The following SPTB variants were observed in gnomAD, a reference collection of about 807,000 sequenced individuals.
The protein encoded by SPTB is spectrin beta chain, erythrocytic.
In SPTB, 45 loss-of-function variants were observed where a neutral mutation model predicts 256.2. The ratio of observed to expected loss-of-function variants is 0.18; its 90% CI spans 0.14 to 0.23. The LOEUF (loss-of-function observed/expected upper bound fraction) is 0.23. Ranked by LOEUF, SPTB falls within the 10% of genes least tolerant of loss-of-function variation. SPTB has a pLI of 1.00. For missense variants in SPTB, 2,715 were observed against 3,040.4 expected (o/e 0.89, Z 2.52); for synonymous variants, 1,231 against 1,243.1 (o/e 0.99, Z 0.21).
At chr14:64,810,904 C>A (rs902496353) in intron 2 of SPTB, among the ~76,000 whole-genome samples, 1 of 152,066 alleles carries the variant, frequency 6.6e-6, no homozygotes, top group Admixed American at 6.6e-5. Context: ...TCACTTGAGG[C>A]CAGGAGTTTG....
intron 20 of SPTB, among the ~76,000 whole-genome samples, chr14:64,780,781 A>G (rs974590442): frequency 1.3e-5 from 2 of 152,240 alleles, no homozygotes; most frequent in African/African-American, 4.8e-5. Context: ...ATCCTAAGCA[A>G]AAAGAACAAA....
intron 32 of SPTB, chr14:64,756,276 A>C (rs1336298025): frequency 1.3e-5 from 2 of 152,198 alleles, no homozygotes; most frequent in African/African-American, 4.8e-5. Context: ...AGTCTACTTC[A>C]ATAAACTCCC....
In SPTB at chr14:64,845,363, CA is replaced by C. The variant is rs1335231712; in HGVS notation, c.-51-22219del. Among the ~76,000 whole-genome samples, 27 of 152,328 alleles carry C rather than the reference CA, an allele frequency of 1.8e-4. No individual in the cohort carries two copies. Among genetic ancestry groups the C allele is most frequent in the African/African-American group, 6.3e-4 (26 of 41,568 alleles). On this transcript the variant is annotated intron_variant, in intron 1 of 35. Transcript: ENST00000644917. The surrounding 1 kb of genome is among the most constrained non-coding windows in gnomAD (Gnocchi z 4.8). ...AGATGTAAAGCTCATGAATACAGAA[CA>C]GATACTGGCTGTGTGGCACAAGTGG...
chr14:64,823,449 C>T lies in SPTB; in HGVS notation c.-51-304G>A, dbSNP rs1385822707. On this transcript the variant is annotated intron_variant, in intron 1 of 35. Transcript: ENST00000644917. The surrounding 1 kb of genome is among the most constrained non-coding windows in gnomAD (Gnocchi z 6.5). ...GCTGCTTCCTCCAGACCAGCCGCCC[C>T]GCCGCGGGGAGCACCCCGGGAGAGA... is the stretch of plus-strand genomic sequence containing the variant. 1.3e-5 allele frequency among the ~76,000 whole-genome samples: 2 copies of T among 152,204 alleles called. No homozygotes were observed. The highest frequency in any genetic ancestry group is 2.4e-5 in the African/African-American group (1 of 41,458).
intron 33 of SPTB, among the ~76,000 whole-genome samples, chr14:64,751,039 G>A (rs1211099731): frequency 7.1e-6 from 1 of 141,180 alleles, no homozygotes; most frequent in African/African-American, 2.6e-5. Context: ...TATATATGTA[G>A]CAATTATATA....
At chr14:64,851,483 G>A (rs972085091) in intron 1 of SPTB, among the ~76,000 whole-genome samples, 3 of 152,170 alleles carry the variant, frequency 2.0e-5, no homozygotes, top group African/African-American at 4.8e-5. Flanking sequence ...AGTAGTAGCA[G>A]TAGCAGCAGC....
At chr14:64,879,401 G>A (rs905236465) in intron 1 of SPTB, among the ~76,000 whole-genome samples, 5 of 152,230 alleles carry the variant, frequency 3.3e-5, no homozygotes, top group African/African-American at 1.2e-4. Flanking sequence ...CAGCGCTGCG[G>A]TCGGACGGGC....
Position 64,785,458 on chromosome 14 carries a change from G to C in SPTB, c.3855+79C>G. 2.3e-6 allele frequency: 3 copies of C among 1,318,698 alleles called. No homozygotes were observed. In the Admixed American group the frequency reaches 5.9e-5, roughly 26 times the overall value. 81.7% of individuals were successfully genotyped at this position (1,318,698 alleles called of 1,614,324 possible). A position where few individuals can be genotyped will look rare whatever the true frequency, so the allele number is the denominator to read the frequency against. On this transcript the variant is annotated intron_variant, in intron 18 of 35. Coordinates refer to ENST00000644917, the MANE Select transcript of SPTB (RefSeq NM_001355436.2). The surrounding 1 kb of genome is among the most constrained non-coding windows in gnomAD (Gnocchi z 4.4). Reference sequence around the variant, plus strand: ...AGCTCTTGAGCTAGAAAGGATCCCTGTGGACTTCCTGCCTTGAGGGAACTC... The same window carrying C: ...AGCTCTTGAGCTAGAAAGGATCCCTCTGGACTTCCTGCCTTGAGGGAACTC...
At chr14:64,805,969 A>G (rs1359952337) in intron 2 of SPTB, among the ~76,000 whole-genome samples, 1 of 152,156 alleles carries the variant, frequency 6.6e-6, no homozygotes, top group Non-Finnish European at 1.5e-5. Flanking sequence ...AATCAGCATC[A>G]GCCCAGTCCA....
chr14:64,785,159 C>T lies in SPTB; in HGVS notation c.3855+378G>A, dbSNP rs1195864033. ...AGTTGTTCAAAAGCATGAAGAATTT[C>T]AAGATGGCAAGAGTAGAGCATTAAC... is the stretch of plus-strand genomic sequence containing the variant. On this transcript the variant is annotated intron_variant, in intron 18 of 35. Coordinates refer to ENST00000644917, the MANE Select transcript of SPTB (RefSeq NM_001355436.2). The surrounding 1 kb of genome is among the most constrained non-coding windows in gnomAD (Gnocchi z 4.4). 1.3e-5 allele frequency among the ~76,000 whole-genome samples: 2 copies of T among 152,104 alleles called. No individual in the cohort carries two copies. The highest frequency in any genetic ancestry group is 4.8e-5 in the African/African-American group (2 of 41,426).
chr14:64,749,665 C>A lies in SPTB; in HGVS notation c.6808G>T (p.Gly2270Cys). The A allele has an allele frequency of 6.2e-7, 1 of 1,613,834 alleles. No homozygotes were observed. Among genetic ancestry groups the A allele is most frequent in the Non-Finnish European group, 8.5e-7 (1 of 1,179,958 alleles). ...CTGCCCGCGCTTACCTCATCCTTGC[C>A]ATGGAAGAGCCACTCGCTGCCATTA... ...LSNGSEWLFHGKDEEEMLSWL... is the reference protein window; with the variant it reads ...LSNGSEWLFHCKDEEEMLSWL... Residue 2270 changes from glycine (G) to cysteine (C), a missense_variant, in exon 35 of 36, where the codon GGC becomes TGC. Coordinates refer to ENST00000644917, the MANE Select transcript of SPTB (RefSeq NM_001355436.2). This position sits in a 1 kb window ranked among gnomAD's most constrained non-coding sequence, Gnocchi z 4.7.
At position 64,816,067 on chromosome 14, in the gene SPTB, G is replaced by A. The variant is rs2083185781; in HGVS notation, c.148+6880C>T. On this transcript the variant is annotated intron_variant, in intron 2 of 35. Transcript: ENST00000644917. The surrounding 1 kb of genome is among the most constrained non-coding windows in gnomAD (Gnocchi z 4.2). ...ACAACCTGTTCTCCCTACAGAGGGT[G>A]ATCCTTAGTAGTCAGAGCGAGCCCT... 6.6e-6 allele frequency among the ~76,000 whole-genome samples: 1 copy of A among 152,190 alleles called. No individual in the cohort carries two copies. Among genetic ancestry groups the A allele is most frequent in the Non-Finnish European group, 1.5e-5 (1 of 68,040 alleles).
chr14:64,791,629 C>A, intron 15 of SPTB, 90 bp downstream of exon 15: 90 of 845,556 alleles, frequency 1.1e-4, no homozygotes, highest in Non-Finnish European at 1.3e-4. Flanking sequence ...TTGGTGCATA[C>A]TAGGTGGACT....
intron 1 of SPTB, among the ~76,000 whole-genome samples, chr14:64,850,581 G>A (rs561983150): frequency 7.2e-5 from 11 of 152,274 alleles, no homozygotes; most frequent in Admixed American, 1.3e-4. Flanking sequence ...GCTAAGGCAC[G>A]AGTCCCCTGC....
intron 19 of SPTB, among the ~76,000 whole-genome samples, chr14:64,783,149 TG>T (rs2082501405): frequency 6.6e-6 from 1 of 152,198 alleles, no homozygotes; most frequent in South Asian, 2.1e-4. Context: ...GTATCATTTT[TG>T]GGTGGGCACA....
intron 25 of SPTB, 73 bp downstream of exon 25, chr14:64,773,147 T>C (rs1468864319): frequency 6.9e-6 from 11 of 1,592,604 alleles, no homozygotes; most frequent in Non-Finnish European, 9.4e-6. Flanking sequence ...GCACTCTGTG[T>C]GTCTTGAGTG....
At position 64,764,901 on chromosome 14, in the gene SPTB, G is replaced by A. The variant is rs988461981; in HGVS notation, c.6345+1825C>T. The stretch of plus-strand genomic sequence containing the variant: ...CCCACATGCGATGACGGGAGCTTCG[G>A]AGGGAACTTCTGGGAGAGACCCTTC... On this transcript the variant is annotated intron_variant, in intron 32 of 35. Coordinates refer to ENST00000644917, the MANE Select transcript of SPTB (RefSeq NM_001355436.2). The surrounding 1 kb of genome is among the most constrained non-coding windows in gnomAD (Gnocchi z 4.2). Among the ~76,000 whole-genome samples the A allele has an allele frequency of 7.9e-5, 12 of 152,152 alleles. No individual in the cohort carries two copies. The highest frequency in any genetic ancestry group is 2.9e-4 in the African/African-American group (12 of 41,422).
At chr14:64,750,546 C>T (rs1019480196) in intron 33 of SPTB, among the ~76,000 whole-genome samples, 4 of 151,888 alleles carry the variant, frequency 2.6e-5, no homozygotes, top group South Asian at 2.1e-4. Flanking sequence ...GAGGCCGAGG[C>T]GGGCGGACCG....
In SPTB at chr14:64,779,769, A is replaced by G; in HGVS notation, c.4429T>C (p.Ser1477Pro). ...CGGCTGATCTGCAGCTTGGCTCTGG[A>G]TGATTCCAGCTGCTTCTTCCTCCTT... The part of the protein sequence containing the change: ...LGRRKKQLES[S>P]RAKLQISRDL... Residue 1477 changes from serine (S) to proline (P), a missense_variant, in exon 21 of 36, where the codon TCC (serine) becomes CCC (proline). By Grantham distance (74) the Ser-to-Pro change is moderately conservative. Transcript: ENST00000644917. This position sits in a 1 kb window ranked among gnomAD's most constrained non-coding sequence, Gnocchi z 4.2. 6.2e-7 allele frequency: 1 copy of G among 1,614,028 alleles called. No individual in the cohort carries two copies. The highest frequency in any genetic ancestry group is 8.5e-7 in the Non-Finnish European group (1 of 1,180,006).
Sources: allele counts gnomAD v4.1 joint callset (sites outside exome capture counted in the v4.1 genomes callset), GRCh38; gene constraint gnomAD v4.1.1; non-coding constraint Gnocchi (gnomAD v3.1); transcripts MANE v1.5; gene names NCBI Gene and HGNC (gene_info 2026-07-23, HGNC 2026-07-21).